Variants in CNTNAP2 observed in about 807,000 individuals in gnomAD.
CNTNAP2 encodes the protein contactin associated protein 2, also known as contactin-associated protein-like 2.
Under a neutral mutation model 155.2 loss-of-function variants are expected in CNTNAP2, and 98 were observed. That is an observed-to-expected ratio of 0.63 (90% CI 0.54 to 0.75). The LOEUF is 0.75. CNTNAP2 is among the 30% of genes least tolerant of loss of function. The pLI, the probability that CNTNAP2 is intolerant of heterozygous loss-of-function variation, is 0.00. For synonymous variants in CNTNAP2, 651 were observed against 631.2 expected, an observed-to-expected ratio of 1.03 and a Z score of -0.47; for missense variants, 1,727 against 1,688.1, an observed-to-expected ratio of 1.02 and a Z score of -0.40.
chr7:146,713,475 G>A (rs774805338), intron 1 of CNTNAP2, among the ~76,000 whole-genome samples: 2 of 152,108 alleles, frequency 1.3e-5, no homozygotes, highest in East Asian at 1.9e-4. Flanking sequence ...CAGAGAGTTC[G>A]TAAGCTGTGC....
At chr7:148,223,865 A>G (rs1795793973) in intron 19 of CNTNAP2, among the ~76,000 whole-genome samples, 1 of 152,262 alleles carries the variant, frequency 6.6e-6, no homozygotes, top group African/African-American at 2.4e-5. Context: ...GCTGAGGAAC[A>G]TAAAGGGGCC....
At chr7:147,268,462 G>T (rs772055894) in intron 8 of CNTNAP2, among the ~76,000 whole-genome samples, 5 of 152,112 alleles carry the variant, frequency 3.3e-5, no homozygotes, top group Non-Finnish European at 5.9e-5. Flanking sequence ...GTTGAATAAT[G>T]AGAACACATG....
At chr7:146,746,277 C>A (rs1190352753) in intron 1 of CNTNAP2, among the ~76,000 whole-genome samples, 1 of 152,112 alleles carries the variant, frequency 6.6e-6, no homozygotes, top group African/African-American at 2.4e-5. Flanking sequence ...ACATCAGTAA[C>A]ATAATGTGTG....
intron 13 of CNTNAP2, among the ~76,000 whole-genome samples, chr7:147,784,934 C>T (rs1479514665): frequency 6.6e-6 from 1 of 151,920 alleles, no homozygotes; most frequent in Non-Finnish European, 1.5e-5. Flanking sequence ...AGGGGAAACA[C>T]CAGGGACGAT....
intron 7 of CNTNAP2, among the ~76,000 whole-genome samples, chr7:147,131,470 T>C (rs1801358344): frequency 1.3e-5 from 2 of 151,838 alleles, no homozygotes; most frequent in African/African-American, 2.4e-5. Context: ...TATTTTTTTC[T>C]TTTTTTTCTT....
intron 1 of CNTNAP2, among the ~76,000 whole-genome samples, chr7:146,474,006 C>A (rs575399312): frequency 1.3e-5 from 2 of 151,988 alleles, no homozygotes; most frequent in South Asian, 2.1e-4. Context: ...GGTGGATGGC[C>A]GAGGTCATTT....
At chr7:148,108,970 T>C (rs1240117470) in intron 15 of CNTNAP2, among the ~76,000 whole-genome samples, 1 of 152,224 alleles carries the variant, frequency 6.6e-6, no homozygotes, top group Admixed American at 6.5e-5. Flanking sequence ...ACATTGTCAA[T>C]TTATGATTTC....
chr7:147,966,939 TA>T (rs1176346538), intron 14 of CNTNAP2, among the ~76,000 whole-genome samples: 2 of 152,074 alleles, frequency 1.3e-5, no homozygotes. Context: ...TTATTGGTTA[TA>T]AATAACGCTT....
At chr7:146,228,408 G>A (rs564025114) in intron 1 of CNTNAP2, among the ~76,000 whole-genome samples, 29 of 152,046 alleles carry the variant, frequency 1.9e-4, no homozygotes, top group Non-Finnish European at 3.8e-4. Context: ...ACATAAAGAC[G>A]ATAACAGTAT....
At chr7:147,850,642 G>C (rs1397538015) in intron 13 of CNTNAP2, among the ~76,000 whole-genome samples, 2 of 152,150 alleles carry the variant, frequency 1.3e-5, no homozygotes, top group Non-Finnish European at 2.9e-5. Flanking sequence ...TCTGATCTTT[G>C]ACAAACTTGA....
At position 147,237,049 on chromosome 7, in the gene CNTNAP2, C is replaced by CTTTTTTTTTTTTTTTTTTTTTT. The variant is rs548220734; in HGVS notation, c.1349-63077_1349-63056dup. 5.2e-4 allele frequency among the ~76,000 whole-genome samples: 30 copies of CTTTTTTTTTTTTTTTTTTTTTT among 57,476 alleles called. 2 individuals carry two copies. The highest frequency in any genetic ancestry group is 7.8e-4 in the Non-Finnish European group (23 of 29,592). The allele number at this position is 57,476 out of a possible 152,430, so 37.7% of individuals were successfully genotyped here. On this transcript the variant is annotated intron_variant, in intron 8 of 23. Coordinates refer to ENST00000361727, the MANE Select transcript of CNTNAP2 (RefSeq NM_014141.6). ...CCACTTCCTTTAGCCTTCACCTCCT[C>CTTTTTTTTTTTTTTTTTTTTTT]TTTTTTTTTTTTTTTTTTTTTTTTT...
chr7:146,952,064 TA>T (rs1284512925), intron 3 of CNTNAP2, among the ~76,000 whole-genome samples: 1 of 151,978 alleles, frequency 6.6e-6, no homozygotes, highest in African/African-American at 2.4e-5. Context: ...AGCAGCACAT[TA>T]AAAACTTATC....
chr7:146,283,859 C>T (rs910695716), intron 1 of CNTNAP2, among the ~76,000 whole-genome samples: 12 of 151,962 alleles, frequency 7.9e-5, no homozygotes, highest in East Asian at 5.8e-4. Context: ...TTGTCTTCTA[C>T]GTCTTCTAAA....
At chr7:146,732,432 T>C (rs1406642173) in intron 1 of CNTNAP2, among the ~76,000 whole-genome samples, 4 of 152,300 alleles carry the variant, frequency 2.6e-5, no homozygotes, top group South Asian at 4.1e-4. Context: ...GAGGAAAATA[T>C]TGTATGTCAG....
At chr7:148,187,576 C>T (rs941372302) in intron 18 of CNTNAP2, among the ~76,000 whole-genome samples, 2 of 152,142 alleles carry the variant, frequency 1.3e-5, no homozygotes, top group Admixed American at 6.5e-5. Context: ...TTTTAAAACT[C>T]GACATCTATT....
At chr7:148,226,292 T>G (rs1400961522) in intron 19 of CNTNAP2, among the ~76,000 whole-genome samples, 1 of 151,950 alleles carries the variant, frequency 6.6e-6, no homozygotes, top group Non-Finnish European at 1.5e-5. Context: ...TACACCTTAT[T>G]CAAAGGTCCT....
chr7:146,125,992 T>C (rs1436858723), intron 1 of CNTNAP2, among the ~76,000 whole-genome samples: 1 of 152,230 alleles, frequency 6.6e-6, no homozygotes, highest in African/African-American at 2.4e-5. Flanking sequence ...TATTAAATGT[T>C]TCTTCCCAGC....
At position 146,245,754 on chromosome 7, in the gene CNTNAP2, C is replaced by T. The variant is rs576746316; in HGVS notation, c.97+128781C>T. 2.4e-4 allele frequency among the ~76,000 whole-genome samples: 37 copies of T among 152,158 alleles called. No individual in the cohort carries two copies. The South Asian group carries it at 4.2e-3, about 17-fold the overall frequency. ...AATGGGGGCTGTCTGTGAAGCCTTG[C>T]GGCAGTACAGCCCAGGTAATTTGCT... is the stretch of plus-strand genomic sequence containing the variant. On this transcript the variant is annotated intron_variant, in intron 1 of 23. Transcript: ENST00000361727.
chr7:147,404,061 T>C (rs925756630), intron 10 of CNTNAP2, among the ~76,000 whole-genome samples: 1 of 152,188 alleles, frequency 6.6e-6, no homozygotes, highest in African/African-American at 2.4e-5. Context: ...TATTTTGTCT[T>C]TTACCATTAG....
Sources: allele counts gnomAD v4.1 joint callset (sites outside exome capture counted in the v4.1 genomes callset), GRCh38; gene constraint gnomAD v4.1.1; transcripts MANE v1.5; gene names NCBI Gene and HGNC (gene_info 2026-07-23, HGNC 2026-07-21).